The following WAPL variants were observed in gnomAD, a reference collection of about 807,000 sequenced individuals.
The protein encoded by WAPL is WAPL cohesin release factor.
In WAPL, 5 loss-of-function variants were observed where a neutral mutation model predicts 121.0. That is an observed-to-expected ratio of 0.04 (90% CI 0.02 to 0.09). The LOEUF is 0.09. Ranked by LOEUF, WAPL falls within the 10% of genes least tolerant of loss-of-function variation. WAPL has a pLI of 1.00. For synonymous variants in WAPL, 480 were observed against 481.5 expected, an observed-to-expected ratio of 1.00 and a Z score of 0.04; for missense variants, 999 against 1,410.8, an observed-to-expected ratio of 0.71 and a Z score of 4.68.
At chr10:86,518,132 C>T in intron 1 of WAPL, 41 bp from the exon 2 acceptor site, 1 of 1,563,578 alleles carries the variant, frequency 6.4e-7, no homozygotes, top group Non-Finnish European at 8.7e-7. Flanking sequence ...TCATCAAATA[C>T]AAGTGTTAAA....
At chr10:86,482,830 G>C (rs1328115027) in intron 4 of WAPL, among the ~76,000 whole-genome samples, 1 of 152,168 alleles carries the variant, frequency 6.6e-6, no homozygotes, top group African/African-American at 2.4e-5. Flanking sequence ...CTGGCAGGTA[G>C]GGGAAATGGG....
At chr10:86,488,166 T>C (rs1281273890) in intron 4 of WAPL, among the ~76,000 whole-genome samples, 1 of 152,202 alleles carries the variant, frequency 6.6e-6, no homozygotes, top group Non-Finnish European at 1.5e-5. Context: ...GAAATATTAG[T>C]GTGAACTCAT....
intron 14 of WAPL, among the ~76,000 whole-genome samples, chr10:86,453,017 C>CAAAAAAAAAAAAAAAAAAAAAAA: frequency 1.7e-5 from 1 of 58,234 alleles, no homozygotes; most frequent in Non-Finnish European, 3.4e-5. Context: ...CTCCATCTCC[C>CAAAAAAAAAAAAAAAAAAAAAAA]AAAAAAAAAA....
At chr10:86,438,136 G>A in intron 17 of WAPL, 121 bp from the exon 18 acceptor site, 1 of 623,324 alleles carries the variant, frequency 1.6e-6, no homozygotes, top group Admixed American at 2.8e-5. Flanking sequence ...TGGAACACGT[G>A]GTTATTTATT....
rs566410126 is a variant in WAPL at position 86,513,537 on chromosome 10, T to C, written c.499+4034A>G. Among the ~76,000 whole-genome samples, 35 of 152,258 alleles carry C rather than the reference T, an allele frequency of 2.3e-4. No individual in the cohort carries two copies. The South Asian group carries it at 7.0e-3, about 31-fold the overall frequency. On this transcript the variant is annotated intron_variant, in intron 2 of 18. Transcript: ENST00000298767. ...TTTTAGTAAAGACGGGGTTTCACCA[T>C]GTTGGTCAGGCTGGTCTCGAACTCC...
chr10:86,457,482 G>A (rs189937250), intron 12 of WAPL, among the ~76,000 whole-genome samples: 188 of 151,834 alleles, frequency 1.2e-3, no homozygotes, highest in Admixed American at 2.7e-3. Context: ...GTGAAACCCC[G>A]TCTCTGCTAA....
intron 11 of WAPL, among the ~76,000 whole-genome samples, chr10:86,459,938 AC>A (rs1385175169): frequency 6.6e-6 from 1 of 152,060 alleles, no homozygotes; most frequent in Non-Finnish European, 1.5e-5. Context: ...ACATGGCAAA[AC>A]CCCGACTCTA....
chr10:86,453,938 T>G lies in WAPL; in HGVS notation c.2658-107A>C, dbSNP rs962447382. 2.3e-5 allele frequency: 25 copies of G among 1,098,134 alleles called. No homozygotes were observed. The African/African-American group carries it at 2.8e-4, about 12-fold the overall frequency. The allele number at this position is 1,098,134 out of a possible 1,614,324, so 68.0% of individuals were successfully genotyped here. A position where few individuals can be genotyped will look rare whatever the true frequency, so the allele number is the denominator to read the frequency against. ...CTATCGGATGAAATTTCACTTTATT[T>G]TGGAAAAATCTGATACCTTAAAAAA... On this transcript the variant is annotated intron_variant, in intron 12 of 18. Transcript: ENST00000298767.
intron 4 of WAPL, among the ~76,000 whole-genome samples, chr10:86,486,839 C>A (rs1390303429): frequency 6.6e-6 from 1 of 151,950 alleles, no homozygotes; most frequent in Non-Finnish European, 1.5e-5. Flanking sequence ...GCCTATAGTC[C>A]CAGCTACCCT....
chr10:86,500,908 T>C (rs1445655296), intron 2 of WAPL, among the ~76,000 whole-genome samples, 165 bp from the exon 3 acceptor site: 1 of 152,224 alleles, frequency 6.6e-6, no homozygotes, highest in Non-Finnish European at 1.5e-5. Context: ...TTTCCTCTCC[T>C]ATCTTTTCAG....
At chr10:86,468,469 A>T (rs986017475) in intron 8 of WAPL, among the ~76,000 whole-genome samples, 2 of 152,120 alleles carry the variant, frequency 1.3e-5, no homozygotes, top group South Asian at 2.1e-4. Context: ...AAATGCTAAG[A>T]TTACAGGCGT....
intron 4 of WAPL, among the ~76,000 whole-genome samples, chr10:86,480,896 A>G (rs139737993): frequency 8.5e-5 from 13 of 152,322 alleles, no homozygotes; most frequent in African/African-American, 2.6e-4. Context: ...ACCACCACAC[A>G]AGGGAAACTT....
At chr10:86,503,276 G>C (rs972782011) in intron 2 of WAPL, among the ~76,000 whole-genome samples, 1 of 151,718 alleles carries the variant, frequency 6.6e-6, no homozygotes, top group African/African-American at 2.4e-5. Context: ...GTGTGCTGAG[G>C]ACTAAACTTA....
intron 9 of WAPL, among the ~76,000 whole-genome samples, chr10:86,466,271 C>A (rs908605573): frequency 6.6e-6 from 1 of 152,138 alleles, no homozygotes; most frequent in African/African-American, 2.4e-5. Context: ...TAGATGCTTG[C>A]TCATTGAAAA....
At chr10:86,460,104 C>G (rs1419030009) in intron 11 of WAPL, among the ~76,000 whole-genome samples, 2 of 152,080 alleles carry the variant, frequency 1.3e-5, no homozygotes, top group Admixed American at 6.6e-5. Context: ...CAGAGTGAGA[C>G]TCTGGCTCAA....
At chr10:86,487,524 A>G (rs1841951665) in intron 4 of WAPL, among the ~76,000 whole-genome samples, 1 of 152,120 alleles carries the variant, frequency 6.6e-6, no homozygotes, top group Non-Finnish European at 1.5e-5. Context: ...TCAGCCCTCA[A>G]TCCTGATATT....
At chr10:86,470,838 T>G (rs1233766273) in intron 8 of WAPL, among the ~76,000 whole-genome samples, 154 bp downstream of exon 8, 2 of 152,220 alleles carry the variant, frequency 1.3e-5, no homozygotes, top group African/African-American at 2.4e-5. Flanking sequence ...AGCAAAAGCT[T>G]CTGGCCATAA....
At chr10:86,501,822 G>A (rs1470254102) in intron 2 of WAPL, among the ~76,000 whole-genome samples, 1 of 152,134 alleles carries the variant, frequency 6.6e-6, no homozygotes, top group African/African-American at 2.4e-5. Flanking sequence ...CTCCCAAACA[G>A]CTGGAACTAC....
intron 1 of WAPL, among the ~76,000 whole-genome samples, chr10:86,520,024 G>A (rs769836253): frequency 6.6e-6 from 1 of 152,174 alleles, no homozygotes; most frequent in Non-Finnish European, 1.5e-5. Flanking sequence ...GGCTGGGGGC[G>A]GCAGGTCACG....
Sources: gnomAD v4.1 joint callset for allele counts (sites outside exome capture counted in the v4.1 genomes callset) on GRCh38, gnomAD v4.1.1 for gene constraint, MANE v1.5 for transcripts, NCBI Gene and HGNC (gene_info 2026-07-23, HGNC 2026-07-21) for gene names.